ATF7IP2: variants seen among roughly 807,000 people sequenced by gnomAD.
ATF7IP2 encodes the protein activating transcription factor 7-interacting protein 2.
Under a neutral mutation model 64.2 loss-of-function variants are expected in ATF7IP2, and 42 were observed. That is an observed-to-expected ratio of 0.65 (90% CI 0.51 to 0.85). The LOEUF is 0.85. Ranked by LOEUF, ATF7IP2 falls within the 40% of genes least tolerant of loss-of-function variation. ATF7IP2 has a pLI of 0.00. For synonymous variants in ATF7IP2, 308 were observed against 272.8 expected, an observed-to-expected ratio of 1.13 and a Z score of -1.27; for missense variants, 933 against 784.2, an observed-to-expected ratio of 1.19 and a Z score of -2.27.
chr16:10,388,646 T>G (rs2141723557), intron 1 of ATF7IP2, among the ~76,000 whole-genome samples: 1 of 152,314 alleles, frequency 6.6e-6, no homozygotes, highest in Admixed American at 6.5e-5. Flanking sequence ...TCCAGAGGTT[T>G]GTTTTTTAAG....
intron 1 of ATF7IP2, among the ~76,000 whole-genome samples, chr16:10,402,308 A>G (rs1362536769): frequency 6.6e-6 from 1 of 152,074 alleles, no homozygotes; most frequent in Non-Finnish European, 1.5e-5. Context: ...AAATGTTCTT[A>G]ATACCCATAT....
chr16:10,465,172 G>A (rs1156269163), intron 9 of ATF7IP2, among the ~76,000 whole-genome samples: 1 of 152,120 alleles, frequency 6.6e-6, no homozygotes, highest in Non-Finnish European at 1.5e-5. Flanking sequence ...AATAATAAAT[G>A]TATCCCTCTT....
intron 1 of ATF7IP2, among the ~76,000 whole-genome samples, chr16:10,392,163 C>T (rs1021492345): frequency 6.7e-6 from 1 of 149,180 alleles, no homozygotes; most frequent in Non-Finnish European, 1.5e-5. Context: ...AAGTGATTCT[C>T]TTGCCTCAGC....
At chr16:10,400,505 C>G (rs1045375918) in intron 1 of ATF7IP2, among the ~76,000 whole-genome samples, 8 of 152,164 alleles carry the variant, frequency 5.3e-5, no homozygotes, top group African/African-American at 1.9e-4. Context: ...TTGCTGTGGC[C>G]TCCAGGATAT....
Position 10,408,745 on chromosome 16 carries a change from T to G in ATF7IP2, c.-241-5829T>G, listed in dbSNP as rs1263706845. Among the ~76,000 whole-genome samples the G allele has an allele frequency of 3.9e-5, 6 of 152,362 alleles. No homozygotes were observed. The East Asian group carries it at 1.2e-3, about 29-fold the overall frequency. ...TTGTAGACTCTAGATATTAGTCATTTGTTGGATGTATAGGTTATAAAGATT... is the reference window on the plus strand; with the variant it reads ...TTGTAGACTCTAGATATTAGTCATTGGTTGGATGTATAGGTTATAAAGATT... On this transcript the variant is annotated intron_variant, in intron 1 of 13. Transcript: ENST00000562102.
intron 3 of ATF7IP2, among the ~76,000 whole-genome samples, chr16:10,427,465 T>G (rs1433505042): frequency 6.6e-6 from 1 of 152,216 alleles, no homozygotes; most frequent in African/African-American, 2.4e-5. Context: ...AATTTGGTTT[T>G]CTTGAAAAGT....
At position 10,482,361 on chromosome 16, in the gene ATF7IP2, A is replaced by T; in HGVS notation, c.*112A>T. 2.6e-6 allele frequency: 2 copies of T among 758,372 alleles called. No individual in the cohort carries two copies. The highest frequency in any genetic ancestry group is 4.2e-6 in the Non-Finnish European group (2 of 474,384). The allele number at this position is 758,372 out of a possible 1,614,324, so 47.0% of individuals were successfully genotyped here. ...CCAGCTCAGATTGTGAGCCCTTTCTATTGGGACAGTCCTCTTCTATATGTT... is the reference window on the plus strand; with the variant it reads ...CCAGCTCAGATTGTGAGCCCTTTCTTTTGGGACAGTCCTCTTCTATATGTT... On this transcript the variant is annotated 3_prime_UTR_variant, in exon 14 of 14. Transcript: ENST00000562102.
chr16:10,417,227 T>C (rs2047896906), intron 2 of ATF7IP2, among the ~76,000 whole-genome samples: 1 of 152,116 alleles, frequency 6.6e-6, no homozygotes, highest in African/African-American at 2.4e-5. Flanking sequence ...AAACCTCTCA[T>C]ATTAATATTA....
In ATF7IP2 at chr16:10,457,424, G is replaced by A. The variant is rs1295979752; in HGVS notation, c.1247G>A (p.Ser416Asn). The A allele has an allele frequency of 6.2e-7, 1 of 1,608,134 alleles. No homozygotes were observed. The highest frequency in any genetic ancestry group is 8.5e-7 in the Non-Finnish European group (1 of 1,177,924). ...ILDKNLESVNSPIEKSSVNYE... is the reference protein window; with the variant it reads ...ILDKNLESVNNPIEKSSVNYE... The stretch of plus-strand genomic sequence containing the variant: ...GATAAGAATCTTGAGTCAGTTAATA[G>A]TCCAATTGAAAAGTCTTCTGTGAAT... The change falls in exon 9 of 14, where the codon AGT becomes AAT. Residue 416 changes from serine (S) to asparagine (N), a missense_variant. Coordinates refer to ENST00000562102, the MANE Select transcript of ATF7IP2 (RefSeq NM_001393719.1).
chr16:10,417,843 C>G (rs925535452), intron 2 of ATF7IP2, among the ~76,000 whole-genome samples: 1 of 152,118 alleles, frequency 6.6e-6, no homozygotes, highest in African/African-American at 2.4e-5. Flanking sequence ...GAATCGTGAA[C>G]CCAGAAATAC....
chr16:10,396,414 T>A (rs370767780), intron 1 of ATF7IP2, among the ~76,000 whole-genome samples: 188 of 152,332 alleles, frequency 1.2e-3, no homozygotes, highest in African/African-American at 4.4e-3. Context: ...TTTGCCTTCG[T>A]TCCCTATGCT....
chr16:10,452,651 TC>T (rs1486798531), intron 8 of ATF7IP2, among the ~76,000 whole-genome samples: 3 of 152,194 alleles, frequency 2.0e-5, no homozygotes, highest in Non-Finnish European at 1.5e-5. Context: ...GATCCACTGA[TC>T]TGCTGCTCTC....
At chr16:10,467,895 T>G (rs77931943) in intron 9 of ATF7IP2, among the ~76,000 whole-genome samples, 2 of 151,364 alleles carry the variant, frequency 1.3e-5, no homozygotes, top group Admixed American at 1.3e-4. Context: ...TTTTTTTTTT[T>G]TGAGACAGAG....
At chr16:10,442,176 G>A (rs963524473) in intron 8 of ATF7IP2, among the ~76,000 whole-genome samples, 3 of 152,228 alleles carry the variant, frequency 2.0e-5, no homozygotes, top group African/African-American at 4.8e-5. Flanking sequence ...CATGGTAGAT[G>A]AAGGCATGCC....
At chr16:10,411,254 T>G (rs1048863756) in intron 1 of ATF7IP2, among the ~76,000 whole-genome samples, 9 of 152,186 alleles carry the variant, frequency 5.9e-5, no homozygotes, top group African/African-American at 2.2e-4. Context: ...GATTCCCTCT[T>G]TCTCTATCTT....
intron 3 of ATF7IP2, among the ~76,000 whole-genome samples, chr16:10,422,819 T>C (rs1596474381): frequency 1.3e-5 from 2 of 152,358 alleles, no homozygotes; most frequent in Non-Finnish European, 2.9e-5. Context: ...TTTCCACATA[T>C]GGCACAATCA....
intron 1 of ATF7IP2, among the ~76,000 whole-genome samples, chr16:10,413,037 A>G (rs2047802066): frequency 6.6e-6 from 1 of 152,070 alleles, no homozygotes; most frequent in Admixed American, 6.6e-5. Flanking sequence ...CCTTTACCTT[A>G]AGCTTATGTG....
At chr16:10,414,445 T>C (rs754531347) in intron 1 of ATF7IP2, 129 bp from the exon 2 acceptor site, 2 of 152,138 alleles carry the variant, frequency 1.3e-5, no homozygotes, top group Non-Finnish European at 2.9e-5. Context: ...TTATTTATGC[T>C]ATCTATTTCA....
intron 3 of ATF7IP2, among the ~76,000 whole-genome samples, chr16:10,424,630 C>G (rs201769411): frequency 6.6e-6 from 1 of 152,122 alleles, no homozygotes; most frequent in African/African-American, 2.4e-5. Context: ...GGAACTCTTA[C>G]AAGCCAGTAA....
Sources: gnomAD v4.1 joint callset for allele counts (sites outside exome capture counted in the v4.1 genomes callset) on GRCh38, gnomAD v4.1.1 for gene constraint, MANE v1.5 for transcripts, NCBI Gene and HGNC (gene_info 2026-07-23, HGNC 2026-07-21) for gene names.